The following ADAM7 variants were observed in gnomAD, a reference collection of about 807,000 sequenced individuals.
ADAM7 encodes the protein ADAM metallopeptidase domain 7.
In ADAM7, 97 loss-of-function variants were observed where a neutral mutation model predicts 102.9. That is an observed-to-expected ratio of 0.94 (90% CI 0.80 to 1.12). The LOEUF is 1.12. ADAM7 is among the 50% of genes most tolerant of loss of function. The pLI, the probability that ADAM7 is intolerant of heterozygous loss-of-function variation, is 0.00. For missense variants in ADAM7, 991 were observed against 908.7 expected, an observed-to-expected ratio of 1.09 and a Z score of -1.16; for synonymous variants, 334 against 304.4, an observed-to-expected ratio of 1.10 and a Z score of -1.01.
intron 3 of ADAM7, among the ~76,000 whole-genome samples, 182 bp downstream of exon 3, chr8:24,447,444 C>T (rs77865853): frequency 0.12 from 18,097 of 152,112 alleles, 1,485 homozygotes; most frequent in African/African-American, 0.24. Flanking sequence ...TAAAGACAAT[C>T]ACAGATGCCA....
chr8:24,444,221 T>A (rs1454015501), intron 2 of ADAM7, among the ~76,000 whole-genome samples: 2 of 150,378 alleles, frequency 1.3e-5, no homozygotes, highest in African/African-American at 4.9e-5. Context: ...TAAATAAATA[T>A]CATGAGCCCA....
chr8:24,462,779 A>G (rs1200833267), intron 3 of ADAM7, among the ~76,000 whole-genome samples: 1 of 152,210 alleles, frequency 6.6e-6, no homozygotes, highest in Non-Finnish European at 1.5e-5. Flanking sequence ...TCCAAATACT[A>G]TCTTAAAAAC....
intron 20 of ADAM7, chr8:24,506,185 G>A: frequency 4.7e-6 from 7 of 1,484,996 alleles, no homozygotes; most frequent in Non-Finnish European, 6.4e-6. Flanking sequence ...CCTCTTGGTG[G>A]TGGGCTATGT....
intron 3 of ADAM7, among the ~76,000 whole-genome samples, chr8:24,451,577 T>G (rs1818791406): frequency 6.6e-6 from 1 of 152,204 alleles, no homozygotes; most frequent in Non-Finnish European, 1.5e-5. Context: ...TCTAACAATT[T>G]TGTTGATCCT....
At chr8:24,447,384 C>A in intron 3 of ADAM7, 122 bp downstream of exon 3, 1 of 452,604 alleles carries the variant, frequency 2.2e-6, no homozygotes, top group Non-Finnish European at 3.8e-6. Flanking sequence ...TGAATTTTTC[C>A]TCTTCAAATA....
rs1257709069 is a variant in ADAM7, at chr8:24,453,128, G to C, written c.233+5866G>C. Among the ~76,000 whole-genome samples the C allele has an allele frequency of 7.1e-3, 1,076 of 150,558 alleles. 11 individuals are homozygous for C. The highest frequency in any genetic ancestry group is 0.023 in the African/African-American group (936 of 40,694). ...TTTGGTGAATCTGACAATTATGTGT[G>C]TTGGAGTTGCTCTTCTCGAGGAGTA... On this transcript the variant is annotated intron_variant, in intron 3 of 21. Transcript: ENST00000175238.
At chr8:24,448,725 A>T (rs1159266501) in intron 3 of ADAM7, among the ~76,000 whole-genome samples, 3 of 151,598 alleles carry the variant, frequency 2.0e-5, no homozygotes, top group African/African-American at 7.3e-5. Context: ...TGTGCAGGTT[A>T]GTTTACATGG....
intron 2 of ADAM7, 35 bp downstream of exon 2, chr8:24,442,611 C>A: frequency 6.6e-7 from 1 of 1,513,586 alleles, no homozygotes; most frequent in Non-Finnish European, 9.2e-7. Context: ...AGATTTGTTG[C>A]TTTCACAGGC....
chr8:24,467,303 C>G (rs1235638783), intron 6 of ADAM7: 1 of 373,368 alleles, frequency 2.7e-6, no homozygotes, highest in Non-Finnish European at 4.7e-6. Flanking sequence ...AGTGTCTTTC[C>G]TTTTCTTCCC....
chr8:24,501,409 A>C, intron 19 of ADAM7, 68 bp from the exon 20 acceptor site: 1 of 1,152,618 alleles, frequency 8.7e-7, no homozygotes, highest in Non-Finnish European at 1.3e-6. Context: ...AAGCTTACTC[A>C]TGAAGAAATA....
intron 20 of ADAM7, 77 bp downstream of exon 20, chr8:24,501,653 C>T (rs1348151957): frequency 1.9e-6 from 2 of 1,075,618 alleles, no homozygotes; most frequent in Non-Finnish European, 1.3e-6. Flanking sequence ...AAAGTAGAAC[C>T]CGTCCTAAGC....
At chr8:24,450,335 G>A (rs1446882497) in intron 3 of ADAM7, among the ~76,000 whole-genome samples, 1 of 152,118 alleles carries the variant, frequency 6.6e-6, no homozygotes, top group African/African-American at 2.4e-5. Context: ...CTGAGCAATA[G>A]TTTGTAGTTC....
intron 20 of ADAM7, chr8:24,506,091 C>T: frequency 6.5e-7 from 1 of 1,547,406 alleles, no homozygotes; most frequent in Non-Finnish European, 8.7e-7. Context: ...TTCTTACTAG[C>T]AGAGAACTCC....
intron 5 of ADAM7, 41 bp from the exon 6 acceptor site, chr8:24,466,758 T>C: frequency 6.4e-7 from 1 of 1,563,628 alleles, no homozygotes; most frequent in Admixed American, 1.8e-5. Flanking sequence ...AATAGAGTAA[T>C]TATAGGCCTT....
In ADAM7 at chr8:24,498,054, A is replaced by C. The variant is rs145745478; in HGVS notation, c.1843-1182A>C. On this transcript the variant is annotated intron_variant, in intron 16 of 21. Coordinates refer to ENST00000175238, the MANE Select transcript of ADAM7 (RefSeq NM_003817.4). ...ATATAGACTGCACCTATTTTTTGAA[A>C]AGAAAAATAGTCAAGAACGTATTCC... 5.1e-3 allele frequency among the ~76,000 whole-genome samples: 778 copies of C among 152,130 alleles called. 4 individuals carry two copies. Among genetic ancestry groups the C allele is most frequent in the Non-Finnish European group, 8.3e-3 (565 of 67,930 alleles).
intron 16 of ADAM7, 132 bp downstream of exon 16, chr8:24,493,361 T>C (rs1195575006): frequency 2.5e-6 from 2 of 787,838 alleles, no homozygotes; most frequent in Non-Finnish European, 1.9e-6. Context: ...ATTTTTTTAA[T>C]GAGGAGCAGA....
At chr8:24,478,068 A>G (rs541091709) in intron 8 of ADAM7, among the ~76,000 whole-genome samples, 2 of 152,282 alleles carry the variant, frequency 1.3e-5, no homozygotes, top group East Asian at 3.9e-4. Context: ...GCATCTTAGA[A>G]CAATACTCAT....
rs374541015 is a variant in ADAM7, at chr8:24,490,854, C to T, written c.1322C>T (p.Thr441Ile). The change falls in exon 13 of 22, where the codon ACT becomes ATT. Residue 441 changes from threonine to isoleucine, a missense_variant. Transcript: ENST00000175238. Reference protein sequence around the residue: ...AHTCVLKPGFTCAEGECCESC... With the variant: ...AHTCVLKPGFICAEGECCESC... Reference sequence around the variant, plus strand: ...ACATGTGTACTGAAGCCAGGATTTACTTGTGCAGAAGGAGAATGCTGTGAA... The same window carrying T: ...ACATGTGTACTGAAGCCAGGATTTATTTGTGCAGAAGGAGAATGCTGTGAA... 99 of 1,613,634 alleles carry T rather than the reference C, an allele frequency of 6.1e-5. 1 individual carries two copies. In the African/African-American group the frequency reaches 9.9e-4, roughly 16 times the overall value.
chr8:24,489,155 C>A lies in ADAM7; in HGVS notation c.1092-4C>A. 6.2e-7 allele frequency: 1 copy of A among 1,606,608 alleles called. No individual in the cohort carries two copies. Among genetic ancestry groups the A allele is most frequent in the South Asian group, 1.1e-5 (1 of 89,734 alleles). On this transcript the variant is annotated splice_polypyrimidine_tract_variant and splice_region_variant and intron_variant, in intron 11 of 21. Coordinates refer to ENST00000175238, the MANE Select transcript of ADAM7 (RefSeq NM_003817.4). ...TCTTTATTTTTACCTCATTCTATCT[C>A]TAGCATTCCTGCACTGAAATTCAGT...
Sources: allele counts gnomAD v4.1 joint callset (sites outside exome capture counted in the v4.1 genomes callset), GRCh38; gene constraint gnomAD v4.1.1; transcripts MANE v1.5; gene names NCBI Gene and HGNC (gene_info 2026-07-23, HGNC 2026-07-21).